The following ANTXR1 variants were observed in gnomAD, a reference collection of about 807,000 sequenced individuals.
ANTXR1 encodes anthrax toxin receptor 1.
In ANTXR1, 19 loss-of-function variants were observed where a neutral mutation model predicts 78.1. The observed-to-expected ratio is 0.24, with a 90% CI of 0.17 to 0.36. The LOEUF is 0.36. ANTXR1 is among the 10% of genes least tolerant of loss of function. The pLI is 1.00. For synonymous variants in ANTXR1, 273 were observed against 260.5 expected, an observed-to-expected ratio of 1.05 and a Z score of -0.46; for missense variants, 518 against 718.6, an observed-to-expected ratio of 0.72 and a Z score of 3.19.
chr2:69,189,149 T>C (rs1207969612), intron 16 of ANTXR1, among the ~76,000 whole-genome samples: 2 of 152,236 alleles, frequency 1.3e-5, no homozygotes, highest in African/African-American at 4.8e-5. Flanking sequence ...TTGTTTTCTA[T>C]GCCACAGACT....
At chr2:69,117,603 G>A (rs914804726) in intron 10 of ANTXR1, among the ~76,000 whole-genome samples, 22 of 152,118 alleles carry the variant, frequency 1.4e-4, no homozygotes, top group Admixed American at 1.4e-3. Context: ...AAGCAATCAG[G>A]CATTTTGAAC....
chr2:69,185,994 T>C (rs1367345043), intron 16 of ANTXR1, among the ~76,000 whole-genome samples: 1 of 152,164 alleles, frequency 6.6e-6, no homozygotes, highest in Non-Finnish European at 1.5e-5. Flanking sequence ...ATTACTCATG[T>C]TTATGAGCCT....
At chr2:69,235,208 A>G (rs775314896) in intron 17 of ANTXR1, among the ~76,000 whole-genome samples, 21 of 151,810 alleles carry the variant, frequency 1.4e-4, no homozygotes, top group Non-Finnish European at 2.6e-4. Flanking sequence ...TTTTTAGTAG[A>G]GACAGGGTTT....
chr2:69,193,205 C>T (rs928368074), intron 16 of ANTXR1, 130 bp from the exon 17 acceptor site: 3 of 770,294 alleles, frequency 3.9e-6, no homozygotes, highest in Admixed American at 1.8e-5. Context: ...GTCACTAATC[C>T]CATCATGACC....
At chr2:69,062,416 A>G (rs1321926438) in intron 3 of ANTXR1, among the ~76,000 whole-genome samples, 4 of 152,208 alleles carry the variant, frequency 2.6e-5, no homozygotes, top group Non-Finnish European at 5.9e-5. Flanking sequence ...GCACCTAGCC[A>G]TCTACCAATT....
At position 69,124,344 on chromosome 2, in the gene ANTXR1, A is replaced by T. The variant is rs1010604280; in HGVS notation, c.873-221A>T. ...CACTGCCTTAATATACCAGCCAAGC[A>T]TATCCTGACACTTCTCTAAACTTTA... On this transcript the variant is annotated intron_variant, in intron 11 of 17. Coordinates refer to ENST00000303714, the MANE Select transcript of ANTXR1 (RefSeq NM_032208.3). Among the ~76,000 whole-genome samples, 32 of 152,222 alleles carry T rather than the reference A, an allele frequency of 2.1e-4. 1 individual carries two copies. The highest frequency in any genetic ancestry group is 1.7e-3 in the Admixed American group (26 of 15,290).
At chr2:69,015,319 GAAT>G (rs1184563670) in intron 1 of ANTXR1, among the ~76,000 whole-genome samples, 2 of 145,528 alleles carry the variant, frequency 1.4e-5, no homozygotes, top group East Asian at 2.0e-4. Context: ...TTTTGGAAAA[GAAT>G]AATGAAGCCA....
At chr2:69,184,685 A>C (rs1028236602) in intron 16 of ANTXR1, among the ~76,000 whole-genome samples, 1 of 152,230 alleles carries the variant, frequency 6.6e-6, no homozygotes, top group African/African-American at 2.4e-5. Context: ...GATGAGATAA[A>C]TAAGTATATG....
chr2:69,207,202 A>G (rs1306881904), intron 17 of ANTXR1, among the ~76,000 whole-genome samples: 1 of 152,254 alleles, frequency 6.6e-6, no homozygotes, highest in Non-Finnish European at 1.5e-5. Context: ...AGGAGAACAC[A>G]TAGACTTTGG....
chr2:69,221,107 C>A (rs1178833716), intron 17 of ANTXR1, among the ~76,000 whole-genome samples: 2 of 152,006 alleles, frequency 1.3e-5, no homozygotes, highest in African/African-American at 2.4e-5. Flanking sequence ...TTTTTTGCAA[C>A]AATATGGGGC....
At chr2:69,014,154 C>T (rs1224588236) in intron 1 of ANTXR1, among the ~76,000 whole-genome samples, 1 of 152,204 alleles carries the variant, frequency 6.6e-6, no homozygotes, top group Non-Finnish European at 1.5e-5. Flanking sequence ...TCATGTAATG[C>T]ATACTTCTCA....
At chr2:69,081,855 C>T (rs1409965155) in intron 8 of ANTXR1, among the ~76,000 whole-genome samples, 2 of 152,248 alleles carry the variant, frequency 1.3e-5, no homozygotes, top group Admixed American at 6.5e-5. Context: ...TTCACATAAT[C>T]ATCTCCTTGA....
At chr2:69,142,751 G>T (rs558855524) in intron 12 of ANTXR1, among the ~76,000 whole-genome samples, 9 of 151,768 alleles carry the variant, frequency 5.9e-5, no homozygotes, top group African/African-American at 1.5e-4. Flanking sequence ...TCAGGGAGAA[G>T]AAGACCGTGA....
intron 10 of ANTXR1, among the ~76,000 whole-genome samples, chr2:69,114,975 G>A (rs1672095170): frequency 6.6e-6 from 1 of 152,172 alleles, no homozygotes; most frequent in South Asian, 2.1e-4. Flanking sequence ...GGCTAAAGAA[G>A]CATATAAAGC....
At chr2:69,153,807 C>T (rs1343296365) in intron 13 of ANTXR1, among the ~76,000 whole-genome samples, 2 of 152,350 alleles carry the variant, frequency 1.3e-5, no homozygotes, top group East Asian at 3.9e-4. Context: ...ACAGTTACCT[C>T]TGGGTGAGGA....
chr2:69,077,573 A>C, intron 8 of ANTXR1, 85 bp downstream of exon 8: 3 of 1,413,208 alleles, frequency 2.1e-6, no homozygotes, highest in African/African-American at 1.4e-5. Context: ...CCATCTCTCA[A>C]AGCCTGGTGT....
chr2:69,085,716 A>AC (rs1224341533), intron 8 of ANTXR1, among the ~76,000 whole-genome samples: 1 of 151,896 alleles, frequency 6.6e-6, no homozygotes, highest in Non-Finnish European at 1.5e-5. Context: ...ATAAAAAAAA[A>AC]ACACTGTAAA....
chr2:69,217,650 T>C (rs1289324812), intron 17 of ANTXR1, among the ~76,000 whole-genome samples: 1 of 152,202 alleles, frequency 6.6e-6, no homozygotes, highest in Non-Finnish European at 1.5e-5. Context: ...GGCTGGTGCA[T>C]ATCAGCATTG....
chr2:69,191,604 A>C (rs1674543480), intron 16 of ANTXR1, among the ~76,000 whole-genome samples: 1 of 152,252 alleles, frequency 6.6e-6, no homozygotes, highest in Non-Finnish European at 1.5e-5. Context: ...TTCACAAAAT[A>C]ATGCTTATCC....
Sources: gnomAD v4.1 joint callset for allele counts (sites outside exome capture counted in the v4.1 genomes callset) on GRCh38, gnomAD v4.1.1 for gene constraint, MANE v1.5 for transcripts, NCBI Gene and HGNC (gene_info 2026-07-23, HGNC 2026-07-21) for gene names.